Variants in MAP4K4 observed in about 807,000 individuals in gnomAD.
MAP4K4 encodes the protein HPK/GCK-like kinase HGK.
Under a neutral mutation model 189.6 loss-of-function variants are expected in MAP4K4, and 38 were observed. The ratio of observed to expected loss-of-function variants is 0.20; its 90% CI spans 0.15 to 0.26. The LOEUF is 0.26. Among genes scored for constraint, MAP4K4 ranks in the 10% least tolerant of loss-of-function variants. The pLI, the probability that MAP4K4 is intolerant of heterozygous loss-of-function variation, is 1.00. For synonymous variants in MAP4K4, 610 were observed against 624.3 expected (o/e 0.98, Z 0.34); for missense variants, 1,054 against 1,726.9 (o/e 0.61, Z 6.91).
At chr2:101,891,657 G>T in exon 33 of MAP4K4, 1 of 167,900 alleles carries the variant, frequency 6.0e-6, no homozygotes, top group Non-Finnish European at 1.3e-5. Context: ...TGGGCACAAG[G>T]AGGTGAGAAG....
At chr2:101,788,151 C>T (rs2092025913) in intron 2 of MAP4K4, among the ~76,000 whole-genome samples, 1 of 151,978 alleles carries the variant, frequency 6.6e-6, no homozygotes, top group Admixed American at 6.6e-5. Context: ...ACCCCATTCC[C>T]TCCCCTTATA....
chr2:101,886,058 CCAGTGAAG>C (rs1383093449), intron 29 of MAP4K4, among the ~76,000 whole-genome samples: 2 of 151,860 alleles, frequency 1.3e-5, no homozygotes, highest in Non-Finnish European at 2.9e-5. Flanking sequence ...GCTTGATTTC[CCAGTGAAG>C]CAGGATAGAT....
chr2:101,734,871 G>A (rs2059771042), intron 2 of MAP4K4, among the ~76,000 whole-genome samples: 1 of 152,092 alleles, frequency 6.6e-6, no homozygotes, highest in African/African-American at 2.4e-5. Flanking sequence ...AAGGCTCTTG[G>A]GAAAATGGAC....
intron 2 of MAP4K4, among the ~76,000 whole-genome samples, chr2:101,707,462 G>A (rs183421167): frequency 5.5e-4 from 84 of 152,106 alleles, no homozygotes; most frequent in Non-Finnish European, 1.0e-3. Context: ...CCCTGCCTGG[G>A]CCTCTCAAAG....
At chr2:101,717,690 C>G (rs1474789081) in intron 2 of MAP4K4, among the ~76,000 whole-genome samples, 2 of 152,120 alleles carry the variant, frequency 1.3e-5, no homozygotes, top group Non-Finnish European at 2.9e-5. Flanking sequence ...TGGAAACAGT[C>G]TCACAAGCAA....
At chr2:101,808,545 C>T (rs533279192) in intron 3 of MAP4K4, among the ~76,000 whole-genome samples, 30 of 118,828 alleles carry the variant, frequency 2.5e-4, no homozygotes, top group Admixed American at 4.0e-4. Context: ...ACCACCCTCA[C>T]CCCCCCCCAC....
intron 3 of MAP4K4, among the ~76,000 whole-genome samples, chr2:101,797,819 A>G (rs1003255716): frequency 2.1e-5 from 3 of 145,972 alleles, no homozygotes; most frequent in African/African-American, 7.6e-5. Context: ...CATATATTAC[A>G]GCAGTTTTTT....
At chr2:101,789,508 A>G (rs917095624) in intron 2 of MAP4K4, among the ~76,000 whole-genome samples, 1 of 152,192 alleles carries the variant, frequency 6.6e-6, no homozygotes, top group African/African-American at 2.4e-5. Context: ...TTACCCAGGT[A>G]CAGTTACTCA....
intron 12 of MAP4K4, among the ~76,000 whole-genome samples, chr2:101,855,490 TTAA>T (rs1440864514): frequency 1.3e-5 from 2 of 152,240 alleles, no homozygotes; most frequent in African/African-American, 4.8e-5. Context: ...AATACTTATA[TTAA>T]TAATAATGGT....
At chr2:101,787,183 A>T (rs964242771) in intron 2 of MAP4K4, among the ~76,000 whole-genome samples, 6 of 152,228 alleles carry the variant, frequency 3.9e-5, no homozygotes, top group Non-Finnish European at 8.8e-5. Context: ...ACCCACCATC[A>T]GGTGGGTCCA....
chr2:101,784,230 C>T (rs1360694531), intron 2 of MAP4K4, among the ~76,000 whole-genome samples: 1 of 151,784 alleles, frequency 6.6e-6, no homozygotes, highest in Non-Finnish European at 1.5e-5. Context: ...AGTGTTTCTA[C>T]TCTAGGGCAT....
At chr2:101,774,228 C>T (rs1025367517) in intron 2 of MAP4K4, among the ~76,000 whole-genome samples, 1 of 152,126 alleles carries the variant, frequency 6.6e-6, no homozygotes, top group Non-Finnish European at 1.5e-5. Flanking sequence ...TTTTTGATTG[C>T]CTGTCTTTTG....
In MAP4K4 at chr2:101,870,662, C is replaced by T. The variant is rs1439092553; in HGVS notation, c.2760+247C>T. ...GTCTGCGGCAGCCCTCATTCAAGCA[C>T]CGCGCTGAGTCTCACAGTCTATGTC... On this transcript the variant is annotated intron_variant, in intron 23 of 32. Transcript: ENST00000324219. 1.1e-5 allele frequency: 5 copies of T among 465,500 alleles called. No homozygotes were observed. In the East Asian group the frequency reaches 2.1e-4, roughly 20 times the overall value. 28.8% of individuals were successfully genotyped at this position (465,500 alleles called of 1,614,324 possible).
At chr2:101,821,782 A>T (rs1442136645) in intron 3 of MAP4K4, among the ~76,000 whole-genome samples, 1 of 152,222 alleles carries the variant, frequency 6.6e-6, no homozygotes, top group Non-Finnish European at 1.5e-5. Context: ...GGTTACTGTA[A>T]CTCTTACTTT....
intron 20 of MAP4K4, 130 bp from the exon 21 acceptor site, chr2:101,867,899 G>A: frequency 1.2e-6 from 1 of 863,658 alleles, no homozygotes; most frequent in Non-Finnish European, 1.9e-6. Flanking sequence ...GCCTGTCAGA[G>A]TTTTCATTTC....
intron 10 of MAP4K4, among the ~76,000 whole-genome samples, chr2:101,841,127 C>G (rs1189051609): frequency 6.6e-6 from 1 of 152,208 alleles, no homozygotes; most frequent in African/African-American, 2.4e-5. Context: ...TTTTCCTCAT[C>G]ACCCACATTT....
intron 6 of MAP4K4, chr2:101,829,856 A>G: frequency 2.9e-6 from 1 of 343,128 alleles, no homozygotes; most frequent in East Asian, 5.3e-5. Flanking sequence ...TCCTGCTTAA[A>G]GAACCTTAAT....
intron 12 of MAP4K4, among the ~76,000 whole-genome samples, chr2:101,844,928 T>C (rs1287655244): frequency 6.6e-6 from 1 of 151,690 alleles, no homozygotes; most frequent in Non-Finnish European, 1.5e-5. Flanking sequence ...GAACTTAAAG[T>C]AAAATAAAAT....
intron 2 of MAP4K4, among the ~76,000 whole-genome samples, chr2:101,730,988 G>C (rs540347661): frequency 1.3e-5 from 2 of 151,624 alleles, no homozygotes; most frequent in Non-Finnish European, 2.9e-5. Flanking sequence ...GGAGCTTGCA[G>C]TGAGCTGAGA....
Sources: gnomAD v4.1 joint callset for allele counts (sites outside exome capture counted in the v4.1 genomes callset) on GRCh38, gnomAD v4.1.1 for gene constraint, MANE v1.5 for transcripts, NCBI Gene and HGNC (gene_info 2026-07-23, HGNC 2026-07-21) for gene names.